Variants in SETX observed in about 807,000 individuals in gnomAD.
The protein encoded by SETX is senataxin.
In SETX, 90 loss-of-function variants were observed where a neutral mutation model predicts 227.2. The observed-to-expected ratio is 0.40, with a 90% CI of 0.33 to 0.47. SETX has a LOEUF of 0.47. SETX is among the 20% of genes least tolerant of loss of function. The pLI, the probability that SETX is intolerant of heterozygous loss-of-function variation, is 0.91. For synonymous variants in SETX, 1,210 were observed against 1,113.2 expected, an observed-to-expected ratio of 1.09 and a Z score of -1.73; for missense variants, 3,052 against 3,181.5, an observed-to-expected ratio of 0.96 and a Z score of 0.98.
chr9:132,301,308 C>T (rs1170204308), intron 11 of SETX, among the ~76,000 whole-genome samples: 1 of 151,786 alleles, frequency 6.6e-6, no homozygotes, highest in Admixed American at 6.6e-5. Context: ...AGGATGGTCT[C>T]GATCTCCTGA....
intron 3 of SETX, among the ~76,000 whole-genome samples, chr9:132,347,937 A>C (rs183094068): frequency 4.6e-5 from 7 of 152,256 alleles, no homozygotes; most frequent in Admixed American, 6.5e-5. Flanking sequence ...CCAAATATTC[A>C]AAGCCAAATA....
At chr9:132,353,376 TA>T (rs956320232) in intron 2 of SETX, among the ~76,000 whole-genome samples, 6 of 148,226 alleles carry the variant, frequency 4.0e-5, no homozygotes, top group East Asian at 2.0e-4. Flanking sequence ...CTCAGGAACT[TA>T]AAAAAAAAAG....
rs779421190 is a variant in SETX at position 132,288,572 on chromosome 9, G to A, written c.6186C>T (p.Asp2062=). ...INSEVLKFSL[D]SQVNHRMKKE... ...TACTCATTCTGTGGTTTACTTGGCT[G>A]TCCAAACTGAACTTTAGAACCTCAC... Residue 2062 remains aspartate, a synonymous_variant, in exon 16 of 26, where the codon GAC becomes GAT. Transcript: ENST00000224140. The A allele has an allele frequency of 3.7e-6, 6 of 1,613,290 alleles. No individual in the cohort carries two copies. In the Admixed American group the frequency reaches 6.7e-5, roughly 18 times the overall value.
chr9:132,315,986 C>T (rs749774405), intron 10 of SETX, among the ~76,000 whole-genome samples: 1 of 152,142 alleles, frequency 6.6e-6, no homozygotes, highest in Non-Finnish European at 1.5e-5. Context: ...TTTCAACCAA[C>T]TTTTAAGTCT....
At chr9:132,271,220 G>C (rs989118279) in intron 24 of SETX, among the ~76,000 whole-genome samples, 1 of 152,122 alleles carries the variant, frequency 6.6e-6, no homozygotes, top group African/African-American at 2.4e-5. Context: ...TTATTTATTT[G>C]AATCTTATTA....
At chr9:132,351,795 T>C (rs1247556110) in intron 2 of SETX, among the ~76,000 whole-genome samples, 1 of 152,262 alleles carries the variant, frequency 6.6e-6, no homozygotes, top group Non-Finnish European at 1.5e-5. Context: ...TCTTGAGGTC[T>C]ATTTTGTTAG....
At chr9:132,265,289 G>C (rs185392635) in intron 25 of SETX, among the ~76,000 whole-genome samples, 1 of 144,098 alleles carries the variant, frequency 6.9e-6, no homozygotes, top group Non-Finnish European at 1.5e-5. Context: ...GCAGTGGCGC[G>C]ATCTTGGCTC....
chr9:132,311,384 TA>T (rs1349814206), intron 11 of SETX, among the ~76,000 whole-genome samples: 1 of 152,092 alleles, frequency 6.6e-6, no homozygotes, highest in African/African-American at 2.4e-5. Context: ...AACTAGTATA[TA>T]AAAGTGGTAT....
chr9:132,278,310 C>T (rs1843288471), intron 20 of SETX, 53 bp from the exon 21 acceptor site: 1 of 1,573,568 alleles, frequency 6.4e-7, no homozygotes. Context: ...TATATCTTTC[C>T]CACTATTATA....
intron 5 of SETX, among the ~76,000 whole-genome samples, chr9:132,336,854 A>T (rs1236096595): frequency 6.6e-6 from 1 of 152,158 alleles, no homozygotes; most frequent in Non-Finnish European, 1.5e-5. Context: ...ACCTGAGGTC[A>T]GGAGTTCAAG....
chr9:132,345,062 C>T (rs2131551728), intron 4 of SETX, among the ~76,000 whole-genome samples: 1 of 152,186 alleles, frequency 6.6e-6, no homozygotes, highest in East Asian at 1.9e-4. Context: ...TTATACCTCA[C>T]CCCCCAAAAG....
Position 132,298,107 on chromosome 9 carries a change from A to T in SETX, c.5754T>A (p.Asp1918Glu), listed in dbSNP as rs759713043. The T allele has an allele frequency of 3.1e-6, 5 of 1,614,020 alleles. No homozygotes were observed. The highest frequency in any genetic ancestry group is 4.2e-6 in the Non-Finnish European group (5 of 1,179,924). ...NPNPMDFCTK[D>E]LLTTTSERII... ...TTCTCTCAGATGTTGTAGTCAGTAAATCTTTTGTACAGAAGTCCATAGGGT... is the reference window on the plus strand; with the variant it reads ...TTCTCTCAGATGTTGTAGTCAGTAATTCTTTTGTACAGAAGTCCATAGGGT... Residue 1918 changes from aspartate to glutamate, a missense_variant, in exon 13 of 26, where the codon GAT becomes GAA. Asp to Glu is a conservative substitution (Grantham distance 45, BLOSUM62 2). Coordinates refer to ENST00000224140, the MANE Select transcript of SETX (RefSeq NM_015046.7).
At chr9:132,277,870 A>AATAT (rs1843255387) in intron 21 of SETX, among the ~76,000 whole-genome samples, 200 bp downstream of exon 21, 2 of 151,996 alleles carry the variant, frequency 1.3e-5, no homozygotes. Flanking sequence ...GGGTAGTATA[A>AATAT]ATATAGGTGA....
At chr9:132,346,971 C>G (rs923612029) in intron 3 of SETX, among the ~76,000 whole-genome samples, 1 of 151,820 alleles carries the variant, frequency 6.6e-6, no homozygotes, top group Non-Finnish European at 1.5e-5. Flanking sequence ...AAAAAGAAAA[C>G]AGGCCAGGCA....
chr9:132,271,776 T>C lies in SETX; in HGVS notation c.7133A>G (p.Gln2378Arg). ...PAEVDTVDAF[Q>R]GRQKDCVIVT... is the part of the protein sequence containing the mutation. ...AATAACACAATCCTTCTGCCGACCC[T>C]GGAATGCATCCACAGTGTCTACTTC... Residue 2378 changes from glutamine (Q) to arginine (R), a missense_variant, in exon 24 of 26, where the codon CAG (glutamine) becomes CGG (arginine). By Grantham distance (43) the Gln-to-Arg change is conservative. Around this residue, in one of 10 missense-constraint regions of SETX, gnomAD observed 412 missense variants for 589.0 expected, o/e 0.70. Transcript: ENST00000224140. 4 of 1,614,064 alleles carry C rather than the reference T, an allele frequency of 2.5e-6. No individual in the cohort carries two copies. Among genetic ancestry groups the C allele is most frequent in the Admixed American group, 1.7e-5 (1 of 60,026 alleles).
chr9:132,350,742 A>G (rs138082303), intron 2 of SETX, among the ~76,000 whole-genome samples: 1 of 152,320 alleles, frequency 6.6e-6, no homozygotes, highest in East Asian at 1.9e-4. Context: ...GTAGCTTTCA[A>G]CATTAAAGTA....
upstream of SETX, among the ~76,000 whole-genome samples, chr9:132,355,630 G>A (rs1848870743): frequency 6.6e-6 from 1 of 151,984 alleles, no homozygotes; most frequent in South Asian, 2.1e-4. Flanking sequence ...GCTTGAGCCC[G>A]GAGTTCAGAG....
In SETX at chr9:132,308,050, C is replaced by A. The variant is rs1282341511; in HGVS notation, c.5374+3707G>T. 2.0e-5 allele frequency among the ~76,000 whole-genome samples: 3 copies of A among 152,172 alleles called. No homozygotes were observed. The East Asian group carries it at 5.8e-4, about 29-fold the overall frequency. On this transcript the variant is annotated intron_variant, in intron 11 of 25. Transcript: ENST00000224140. Reference sequence around the variant, plus strand: ...ATTTATACTGCCTTTCCTTTATAAACTATGCTACTGAGTAACCAAATAGTA... The same window carrying A: ...ATTTATACTGCCTTTCCTTTATAAAATATGCTACTGAGTAACCAAATAGTA...
At chr9:132,339,517 AAG>A (rs2131523782) in intron 5 of SETX, among the ~76,000 whole-genome samples, 1 of 152,342 alleles carries the variant, frequency 6.6e-6, no homozygotes, top group Non-Finnish European at 1.5e-5. Flanking sequence ...ATTTCCTGCA[AAG>A]AGTTTGAAAA....
Sources: allele counts gnomAD v4.1 joint callset (sites outside exome capture counted in the v4.1 genomes callset), GRCh38; gene constraint gnomAD v4.1.1; regional missense constraint gnomAD v4.1.1; transcripts MANE v1.5; gene names NCBI Gene and HGNC (gene_info 2026-07-23, HGNC 2026-07-21).